KAZN: variants seen among roughly 807,000 people sequenced by gnomAD.
KAZN encodes kazrin.
Under a neutral mutation model 87.4 loss-of-function variants are expected in KAZN, and 40 were observed. That is an observed-to-expected ratio of 0.46 (90% CI 0.36 to 0.60). The LOEUF (loss-of-function observed/expected upper bound fraction) is 0.60, where lower values mean the gene tolerates loss of function less well. KAZN is among the 20% of genes least tolerant of loss of function. KAZN has a pLI of 0.00. For synonymous variants in KAZN, 466 were observed against 458.3 expected (o/e 1.02, Z -0.22); for missense variants, 898 against 1,073.9 (o/e 0.84, Z 2.29).
chr1:14,330,364 T>G (rs1656756939), intron 2 of KAZN, among the ~76,000 whole-genome samples: 1 of 152,134 alleles, frequency 6.6e-6, no homozygotes, highest in African/African-American at 2.4e-5. Context: ...TATTGGCTGA[T>G]CAGAAAAGTG....
intron 1 of KAZN, among the ~76,000 whole-genome samples, chr1:14,770,614 G>C (rs1287442570): frequency 2.6e-5 from 4 of 152,160 alleles, no homozygotes; most frequent in Non-Finnish European, 5.9e-5. Context: ...CTGGGAGGAA[G>C]AGTGGGAATG....
chr1:14,701,191 A>G (rs1641901123), intron 1 of KAZN, among the ~76,000 whole-genome samples: 1 of 152,170 alleles, frequency 6.6e-6, no homozygotes, highest in South Asian at 2.1e-4. Flanking sequence ...CTCACAGCTC[A>G]CTGCACTTAA....
intron 1 of KAZN, among the ~76,000 whole-genome samples, chr1:14,753,594 T>A (rs1214866326): frequency 6.6e-6 from 1 of 151,508 alleles, no homozygotes; most frequent in African/African-American, 2.4e-5. Context: ...TAAAAAAAAA[T>A]AAAATAAAAT....
At chr1:15,106,313 C>A (rs995695137) in intron 13 of KAZN, among the ~76,000 whole-genome samples, 1 of 152,272 alleles carries the variant, frequency 6.6e-6, no homozygotes, top group South Asian at 2.1e-4. Context: ...AAACCCTCCT[C>A]CAGGAGCCAT....
intron 1 of KAZN, among the ~76,000 whole-genome samples, chr1:14,701,550 T>C (rs1442524222): frequency 6.6e-6 from 1 of 152,218 alleles, no homozygotes; most frequent in Non-Finnish European, 1.5e-5. Context: ...CGCAGCACTT[T>C]GGAGGCCAAG....
chr1:14,276,163 GTGTGTGTGTGTGT>G (rs1652335666), intron 2 of KAZN, among the ~76,000 whole-genome samples: 15 of 49,602 alleles, frequency 3.0e-4, no homozygotes, highest in African/African-American at 1.3e-3. Context: ...CTATAAGGGT[GTGTGTGTGTGTGT>G]GTGTGTGTGT....
At chr1:14,491,672 TTC>T (rs1392402627) in intron 2 of KAZN, among the ~76,000 whole-genome samples, 6 of 152,212 alleles carry the variant, frequency 3.9e-5, no homozygotes. Flanking sequence ...GAGGTTTTCT[TTC>T]CTTTTTAATA....
intron 1 of KAZN, among the ~76,000 whole-genome samples, chr1:14,731,477 C>T (rs945905802): frequency 2.6e-5 from 4 of 152,136 alleles, no homozygotes; most frequent in Non-Finnish European, 4.4e-5. Flanking sequence ...TTTTGGTTCC[C>T]CTCCTCTCTT....
intron 1 of KAZN, among the ~76,000 whole-genome samples, chr1:14,660,209 G>T (rs548742114): frequency 2.6e-5 from 4 of 152,116 alleles, no homozygotes; most frequent in Admixed American, 1.3e-4. Flanking sequence ...CAGATGCCTC[G>T]ATCTCCCCAT....
intron 1 of KAZN, among the ~76,000 whole-genome samples, chr1:14,733,823 C>T (rs1019859386): frequency 6.6e-6 from 1 of 152,206 alleles, no homozygotes; most frequent in Non-Finnish European, 1.5e-5. Flanking sequence ...GAAGAGGAAA[C>T]TCCACTTTTA....
intron 2 of KAZN, among the ~76,000 whole-genome samples, chr1:15,016,173 G>A (rs1452468475): frequency 6.6e-6 from 1 of 152,204 alleles, no homozygotes; most frequent in Non-Finnish European, 1.5e-5. Context: ...CACATCTACA[G>A]GCCGACGGAC....
intron 1 of KAZN, among the ~76,000 whole-genome samples, chr1:14,733,317 A>G (rs898510786): frequency 5.3e-5 from 8 of 152,304 alleles, no homozygotes; most frequent in East Asian, 3.9e-4. Context: ...TGAAGAGGAA[A>G]TGGCATTTAT....
At chr1:14,419,302 A>C (rs774381474) in intron 2 of KAZN, among the ~76,000 whole-genome samples, 2 of 152,180 alleles carry the variant, frequency 1.3e-5, no homozygotes, top group Non-Finnish European at 2.9e-5. Flanking sequence ...AAAAGAAAGA[A>C]AGGCCGGGTC....
chr1:14,982,554 C>G (rs1666362889), intron 2 of KAZN, among the ~76,000 whole-genome samples: 1 of 151,914 alleles, frequency 6.6e-6, no homozygotes, highest in Non-Finnish European at 1.5e-5. Context: ...CTCAGCCTCC[C>G]CAGCAGCTGG....
At chr1:14,099,405 AG>A (rs1644199931) in intron 1 of KAZN, among the ~76,000 whole-genome samples, 1 of 152,104 alleles carries the variant, frequency 6.6e-6, no homozygotes, top group African/African-American at 2.4e-5. Context: ...TTAGCCCTTT[AG>A]AAATGCAAAT....
At chr1:14,688,959 C>T (rs1307173298) in intron 1 of KAZN, among the ~76,000 whole-genome samples, 1 of 152,128 alleles carries the variant, frequency 6.6e-6, no homozygotes. Context: ...TTTGGGAAGC[C>T]AAGGTGGGCG....
At chr1:14,791,782 G>A (rs1399007620) in intron 1 of KAZN, among the ~76,000 whole-genome samples, 1 of 152,224 alleles carries the variant, frequency 6.6e-6, no homozygotes, top group African/African-American at 2.4e-5. Context: ...TGAGGTGCTA[G>A]GGCAGCAGGC....
chr1:14,241,159 A>G (rs1648900996), intron 2 of KAZN, among the ~76,000 whole-genome samples: 2 of 152,334 alleles, frequency 1.3e-5, no homozygotes, highest in South Asian at 2.1e-4. Context: ...GATGGTCCCA[A>G]CAACCTTGGG....
intron 1 of KAZN, among the ~76,000 whole-genome samples, chr1:14,029,709 C>A (rs912053415): frequency 1.3e-4 from 20 of 151,902 alleles, no homozygotes; most frequent in Non-Finnish European, 2.5e-4. Flanking sequence ...CCAGTTTTCC[C>A]AACACCATTT....
Sources: gnomAD v4.1 joint callset for allele counts (sites outside exome capture counted in the v4.1 genomes callset) on GRCh38, gnomAD v4.1.1 for gene constraint, MANE v1.5 for transcripts, NCBI Gene and HGNC (gene_info 2026-07-23, HGNC 2026-07-21) for gene names.